Variants in DCAF8L2 observed in about 807,000 individuals in gnomAD.
DCAF8L2 encodes DDB1- and CUL4-associated factor 8-like protein 2.
For missense variants in DCAF8L2, 430 were observed against 490.7 expected (o/e 0.88, Z 1.17); for synonymous variants, 200 against 190.9 (o/e 1.05, Z -0.39).
chrX:27,532,061 CGA>C, the DCAF8L2 span, among the ~76,000 whole-genome samples: 1 of 95,672 alleles, frequency 1.0e-5, no homozygotes, highest in African/African-American at 4.3e-5. Context: ...AAATTGATAT[CGA>C]TATATATATA....
chrX:27,484,177 CA>C, the DCAF8L2 span, among the ~76,000 whole-genome samples: 1 of 111,244 alleles, frequency 9.0e-6, no homozygotes, highest in Non-Finnish European at 1.9e-5. Flanking sequence ...TCAGTTACAG[CA>C]AAAAAGCAAA....
chrX:27,578,729 A>G, the DCAF8L2 span, among the ~76,000 whole-genome samples: 8 of 111,605 alleles, frequency 7.2e-5, no homozygotes, highest in Admixed American at 7.6e-4. Flanking sequence ...AACCCCATTA[A>G]AAAGTGGGCA....
intron 1 of DCAF8L2, among the ~76,000 whole-genome samples, chrX:27,620,390 T>A (rs1414960927): frequency 9.0e-6 from 1 of 111,600 alleles, no homozygotes; most frequent in Non-Finnish European, 1.9e-5. Flanking sequence ...TGTGGAAATT[T>A]AAAAATTTAG....
At chrX:27,581,589 A>ATTTT in the DCAF8L2 span, among the ~76,000 whole-genome samples, 2 of 95,124 alleles carry the variant, frequency 2.1e-5, no homozygotes, top group Non-Finnish European at 4.1e-5. Context: ...ATTTAATACA[A>ATTTT]TTTTTTTTTT....
intron 2 of DCAF8L2, among the ~76,000 whole-genome samples, chrX:27,641,699 T>C (rs1441164204): frequency 2.7e-5 from 3 of 110,061 alleles, no homozygotes; most frequent in Non-Finnish European, 3.8e-5. Context: ...CTCAAACTCC[T>C]GACCTCAGGT....
chrX:27,669,192 C>A (rs1049257470), intron 2 of DCAF8L2, among the ~76,000 whole-genome samples: 1 of 111,245 alleles, frequency 9.0e-6, no homozygotes, highest in Non-Finnish European at 1.9e-5. Flanking sequence ...TATTGTCAAA[C>A]AGTAAAGGGA....
At chrX:27,584,753 A>T in the DCAF8L2 span, among the ~76,000 whole-genome samples, 2 of 112,052 alleles carry the variant, frequency 1.8e-5, no homozygotes, top group Non-Finnish European at 3.8e-5. Context: ...TGCTATTGTC[A>T]TTTCATAAAA....
At chrX:27,549,891 G>A in the DCAF8L2 span, among the ~76,000 whole-genome samples, 5 of 111,409 alleles carry the variant, frequency 4.5e-5, no homozygotes, top group Middle Eastern at 4.7e-3. Flanking sequence ...TCCTCCCATG[G>A]GGCAGCCCAC....
At chrX:27,633,116 CTTGA>C (rs1928359501) in intron 2 of DCAF8L2, 1 of 111,979 alleles carries the variant, frequency 8.9e-6, no homozygotes, top group Non-Finnish European at 1.9e-5. Context: ...AGTAAACATA[CTTGA>C]TTGTTAGTGT....
At chrX:27,485,439 T>C in the DCAF8L2 span, among the ~76,000 whole-genome samples, 2 of 108,439 alleles carry the variant, frequency 1.8e-5, no homozygotes, top group Non-Finnish European at 3.8e-5. Context: ...AGGTAGTTGA[T>C]ATAAAAATTA....
chrX:27,628,996 G>A (rs1928173306), intron 1 of DCAF8L2, among the ~76,000 whole-genome samples: 1 of 111,787 alleles, frequency 8.9e-6, no homozygotes, highest in Non-Finnish European at 1.9e-5. Flanking sequence ...TCATATGCCT[G>A]TTGGCCATCT....
At chrX:27,709,947 G>A (rs1412496262) in intron 3 of DCAF8L2, among the ~76,000 whole-genome samples, 1 of 99,130 alleles carries the variant, frequency 1.0e-5, no homozygotes, top group Non-Finnish European at 2.1e-5. Context: ...CAAATAATAT[G>A]CCCTACTTTT....
intron 3 of DCAF8L2, among the ~76,000 whole-genome samples, chrX:27,710,222 C>T (rs1290029357): frequency 9.0e-6 from 1 of 111,446 alleles, no homozygotes; most frequent in Non-Finnish European, 1.9e-5. Context: ...AGTGTAAGTC[C>T]TTTGACTTTG....
At chrX:27,630,956 C>G (rs190581034) in intron 1 of DCAF8L2, among the ~76,000 whole-genome samples, 75 of 111,233 alleles carry the variant, frequency 6.7e-4, no homozygotes, top group African/African-American at 2.4e-3. Flanking sequence ...TTCTCATAAC[C>G]TAATCACATC....
intron 2 of DCAF8L2, among the ~76,000 whole-genome samples, chrX:27,651,206 A>G (rs1471551324): frequency 9.0e-6 from 1 of 111,139 alleles, no homozygotes; most frequent in Non-Finnish European, 1.9e-5. Flanking sequence ...CTAGTATTTC[A>G]CTGAGAATTT....
chrX:27,520,224 A>G, the DCAF8L2 span, among the ~76,000 whole-genome samples: 1 of 111,860 alleles, frequency 8.9e-6, no homozygotes, highest in African/African-American at 3.2e-5. Flanking sequence ...TCAAGGTTTG[A>G]TTTTGGGAGA....
At chrX:27,734,278 C>T (rs1921396042) in intron 4 of DCAF8L2, among the ~76,000 whole-genome samples, 1 of 111,255 alleles carries the variant, frequency 9.0e-6, no homozygotes, top group Non-Finnish European at 1.9e-5. Flanking sequence ...GTCCAACTAA[C>T]ACACAGAATC....
At chrX:27,717,156 C>T (rs963185061) in intron 4 of DCAF8L2, among the ~76,000 whole-genome samples, 1 of 112,236 alleles carries the variant, frequency 8.9e-6, no homozygotes, top group African/African-American at 3.2e-5. Context: ...GGGTTGATTC[C>T]GTGTCCTTGC....
intron 3 of DCAF8L2, among the ~76,000 whole-genome samples, chrX:27,678,679 A>G (rs766797492): frequency 1.6e-3 from 179 of 111,775 alleles, no homozygotes; most frequent in African/African-American, 5.5e-3. Flanking sequence ...GGTGGTTGTC[A>G]GGGGCTGGAA....
Sources: allele counts gnomAD v4.1 joint callset (sites outside exome capture counted in the v4.1 genomes callset), GRCh38; gene constraint gnomAD v4.1.1; transcripts MANE v1.5; gene names NCBI Gene and HGNC (gene_info 2026-07-23, HGNC 2026-07-21).